The following ARHGAP32 variants were observed in gnomAD, a reference collection of about 807,000 sequenced individuals.
ARHGAP32 encodes rho GTPase-activating protein 32.
A neutral mutation model predicts 186.5 loss-of-function variants in ARHGAP32; 51 were observed. The observed-to-expected ratio is 0.27, with a 90% CI of 0.22 to 0.35. ARHGAP32 has a LOEUF of 0.35. Ranked by LOEUF, ARHGAP32 falls within the 10% of genes least tolerant of loss-of-function variation. The pLI is 1.00. For synonymous variants in ARHGAP32, 950 were observed against 964.3 expected (o/e 0.99, Z 0.27); for missense variants, 2,186 against 2,623.5 (o/e 0.83, Z 3.64).
chr11:129,272,286 C>A (rs1180191498), intron 1 of ARHGAP32, among the ~76,000 whole-genome samples: 1 of 152,182 alleles, frequency 6.6e-6, no homozygotes, highest in Non-Finnish European at 1.5e-5. Context: ...GGCTAGGAGG[C>A]AGTTCTGCTC....
At chr11:129,066,936 T>C in intron 6 of ARHGAP32, 68 bp from the exon 7 acceptor site, 1 of 1,265,476 alleles carries the variant, frequency 7.9e-7, no homozygotes, top group East Asian at 2.5e-5. Context: ...TCAGGCCATA[T>C]TCTATAATGT....
chr11:129,102,385 CAATTA>C (rs1369820708), intron 5 of ARHGAP32, among the ~76,000 whole-genome samples: 2 of 152,114 alleles, frequency 1.3e-5, no homozygotes, highest in African/African-American at 4.8e-5. Flanking sequence ...CTAAATACCC[CAATTA>C]AAAGACACAC....
intron 11 of ARHGAP32, among the ~76,000 whole-genome samples, chr11:129,022,040 A>G (rs1019578963): frequency 1.6e-4 from 24 of 152,194 alleles, no homozygotes; most frequent in Non-Finnish European, 2.9e-4. Context: ...TCCAGGATGA[A>G]CTAGTACTAC....
intron 11 of ARHGAP32, among the ~76,000 whole-genome samples, chr11:129,024,577 T>C (rs567363112): frequency 6.6e-6 from 1 of 152,334 alleles, no homozygotes; most frequent in African/African-American, 2.4e-5. Context: ...TTTTTTTAAG[T>C]ATCAACTTAC....
At chr11:129,046,902 A>G (rs1174871134) in intron 10 of ARHGAP32, among the ~76,000 whole-genome samples, 1 of 152,094 alleles carries the variant, frequency 6.6e-6, no homozygotes, top group Non-Finnish European at 1.5e-5. Context: ...AGGCGGGCGG[A>G]TCATGAGGTC....
chr11:129,055,400 C>CT (rs1193535436), intron 10 of ARHGAP32, among the ~76,000 whole-genome samples: 3 of 152,222 alleles, frequency 2.0e-5, no homozygotes, highest in African/African-American at 7.2e-5. Context: ...TCAACATACT[C>CT]TTACCATATG....
At chr11:128,987,982 T>G in intron 13 of ARHGAP32, 41 bp downstream of exon 13, 1 of 1,255,532 alleles carries the variant, frequency 8.0e-7, no homozygotes, top group Non-Finnish European at 1.1e-6. Flanking sequence ...TGCATTTTAA[T>G]TAGTTAAGAA....
In ARHGAP32 at chr11:129,249,427, C is replaced by T. The variant is rs7928890; in HGVS notation, c.-5+29719G>A. On this transcript the variant is annotated intron_variant, in intron 1 of 6. Coordinates refer to the ARHGAP32 transcript ENST00000525234. ...GCATATCTATAAAAAGTACTCTGCA[C>T]TGGTATTAATACTGAGATTTTTTTA... 3.4e-3 allele frequency among the ~76,000 whole-genome samples: 517 copies of T among 152,226 alleles called. 4 individuals carry two copies. Among genetic ancestry groups the T allele is most frequent in the African/African-American group, 0.012 (490 of 41,536 alleles).
chr11:129,054,736 T>G (rs756688281), intron 10 of ARHGAP32, among the ~76,000 whole-genome samples: 1 of 152,206 alleles, frequency 6.6e-6, no homozygotes, highest in Admixed American at 6.5e-5. Flanking sequence ...GTATATTATA[T>G]GATGAAATAC....
At chr11:129,248,718 C>T (rs1392630142) in intron 1 of ARHGAP32, among the ~76,000 whole-genome samples, 4 of 152,252 alleles carry the variant, frequency 2.6e-5, no homozygotes, top group Admixed American at 6.5e-5. Context: ...CTTCCAAAAA[C>T]CTGACTGAAT....
At chr11:129,210,965 C>T (rs139166771) in intron 1 of ARHGAP32, among the ~76,000 whole-genome samples, 1 of 152,168 alleles carries the variant, frequency 6.6e-6, no homozygotes, top group Non-Finnish European at 1.5e-5. Context: ...ATTCATGCCA[C>T]TCTGTTGCTA....
chr11:129,279,584 T>C (rs1297191873), upstream of ARHGAP32, among the ~76,000 whole-genome samples: 1 of 144,668 alleles, frequency 6.9e-6, no homozygotes, highest in East Asian at 2.1e-4. Context: ...CTCCGCCTCC[T>C]CCGCTCCGCC....
At chr11:129,182,978 C>T (rs945629014) in intron 1 of ARHGAP32, among the ~76,000 whole-genome samples, 3 of 152,164 alleles carry the variant, frequency 2.0e-5, no homozygotes, top group Middle Eastern at 6.8e-3. Flanking sequence ...TCATTTAGTA[C>T]ATTTAAATCT....
intron 5 of ARHGAP32, among the ~76,000 whole-genome samples, chr11:129,110,041 C>T (rs1249817275): frequency 2.6e-5 from 4 of 152,050 alleles, no homozygotes; most frequent in Non-Finnish European, 5.9e-5. Context: ...AGAAGTGTTT[C>T]CCCTGTTTTC....
chr11:129,248,506 A>G (rs1945134369), intron 1 of ARHGAP32, among the ~76,000 whole-genome samples: 1 of 152,210 alleles, frequency 6.6e-6, no homozygotes, highest in South Asian at 2.1e-4. Context: ...AAACATCTTT[A>G]TAAGTAGTGC....
chr11:129,003,743 T>A (rs533733858), intron 11 of ARHGAP32, among the ~76,000 whole-genome samples: 1 of 152,248 alleles, frequency 6.6e-6, no homozygotes, highest in South Asian at 2.1e-4. Context: ...CTTTTTCATA[T>A]CTGATTTTCT....
intron 1 of ARHGAP32, among the ~76,000 whole-genome samples, chr11:129,229,740 T>C (rs1944833445): frequency 6.6e-6 from 1 of 152,200 alleles, no homozygotes; most frequent in Non-Finnish European, 1.5e-5. Context: ...TTAAGGATTT[T>C]CACTTGCATC....
At chr11:129,249,953 C>T (rs781272044) in intron 1 of ARHGAP32, among the ~76,000 whole-genome samples, 2 of 151,884 alleles carry the variant, frequency 1.3e-5, no homozygotes, top group Admixed American at 6.6e-5. Flanking sequence ...TGGCTCACAC[C>T]TGTAATCTCA....
At chr11:129,015,381 T>C (rs144604399) in intron 11 of ARHGAP32, among the ~76,000 whole-genome samples, 7 of 152,316 alleles carry the variant, frequency 4.6e-5, no homozygotes, top group Non-Finnish European at 7.4e-5. Flanking sequence ...AATTGCTCAA[T>C]ACTTTGATTA....
Sources: allele counts gnomAD v4.1 joint callset (sites outside exome capture counted in the v4.1 genomes callset), GRCh38; gene constraint gnomAD v4.1.1; transcripts MANE v1.5; gene names NCBI Gene and HGNC (gene_info 2026-07-23, HGNC 2026-07-21).